PRCP: variants seen among roughly 807,000 people sequenced by gnomAD.
PRCP encodes the protein lysosomal Pro-X carboxypeptidase.
In PRCP, 46 loss-of-function variants were observed where a neutral mutation model predicts 54.2. That is an observed-to-expected ratio of 0.85 (90% confidence interval 0.67 to 1.09). The LOEUF is 1.09. Among genes scored for constraint, PRCP ranks in the 50% least tolerant of loss-of-function variants. The pLI is 0.00. For missense variants in PRCP, 613 were observed against 596.8 expected (o/e 1.03, Z -0.28); for synonymous variants, 240 against 212.2 (o/e 1.13, Z -1.14).
Position 82,824,643 on chromosome 11 carries a change from A to G in PRCP, c.*263T>C. 2.3e-6 allele frequency: 1 copy of G among 443,132 alleles called. No homozygotes were observed. The highest frequency in any genetic ancestry group is 4.1e-6 in the Non-Finnish European group (1 of 242,874). 27.5% of individuals were successfully genotyped at this position (443,132 alleles called of 1,614,324 possible). On this transcript the variant is annotated 3_prime_UTR_variant, in exon 9 of 9. Transcript: ENST00000313010. Reference sequence around the variant, plus strand: ...CTTATGAAAAGCAACCAGGAACTCTACTCCAGTTATGAGGGCCACTGATGG... The same window carrying G: ...CTTATGAAAAGCAACCAGGAACTCTGCTCCAGTTATGAGGGCCACTGATGG...
At chr11:82,856,401 G>A (rs1201219490) in intron 2 of PRCP, among the ~76,000 whole-genome samples, 1 of 152,172 alleles carries the variant, frequency 6.6e-6, no homozygotes, top group Non-Finnish European at 1.5e-5. Flanking sequence ...ATTATCCTAA[G>A]TGACCTAATA....
intron 1 of PRCP, among the ~76,000 whole-genome samples, chr11:82,887,281 G>C (rs10898052): frequency 0.28 from 43,244 of 151,940 alleles, 6,276 homozygotes; most frequent in Admixed American, 0.32. Context: ...TTAATTACTT[G>C]TGACTATCTT....
At chr11:82,857,038 A>AG (rs1442896929) in intron 2 of PRCP, among the ~76,000 whole-genome samples, 1 of 151,104 alleles carries the variant, frequency 6.6e-6, no homozygotes, top group East Asian at 1.9e-4. Context: ...CTGTCTCAAA[A>AG]AAAAAAAAAA....
At chr11:82,901,294 G>C (rs753274616), upstream of PRCP, among the ~76,000 whole-genome samples, 1 of 151,622 alleles carries the variant, frequency 6.6e-6, no homozygotes, top group Admixed American at 6.6e-5. Flanking sequence ...TTTCTTCTCC[G>C]GCACCCGAAA....
intron 1 of PRCP, among the ~76,000 whole-genome samples, chr11:82,875,514 G>A (rs751117354): frequency 3.9e-5 from 6 of 152,166 alleles, no homozygotes; most frequent in Non-Finnish European, 8.8e-5. Flanking sequence ...TAAACACATA[G>A]GTGACTATAA....
intron 1 of PRCP, among the ~76,000 whole-genome samples, chr11:82,885,433 A>G (rs1859841418): frequency 6.6e-6 from 1 of 152,220 alleles, no homozygotes; most frequent in South Asian, 2.1e-4. Flanking sequence ...AGATGGCAGA[A>G]TAATACAACT....
chr11:82,847,890 G>A (rs1369628922), intron 6 of PRCP, among the ~76,000 whole-genome samples: 2 of 152,136 alleles, frequency 1.3e-5, no homozygotes, highest in African/African-American at 4.8e-5. Context: ...GACCATGCCA[G>A]GCCTATTGAT....
intron 2 of PRCP, among the ~76,000 whole-genome samples, chr11:82,856,885 A>C (rs1859099220): frequency 6.6e-6 from 1 of 151,928 alleles, no homozygotes; most frequent in African/African-American, 2.4e-5. Flanking sequence ...AAATACAAAA[A>C]ATTAGCCGGG....
At chr11:82,881,386 G>A (rs779817591) in intron 1 of PRCP, among the ~76,000 whole-genome samples, 2 of 152,166 alleles carry the variant, frequency 1.3e-5, no homozygotes, top group African/African-American at 2.4e-5. Flanking sequence ...AGTTCAGGCA[G>A]CCTCACAAAG....
chr11:82,871,002 A>T (rs1859467722), intron 1 of PRCP, among the ~76,000 whole-genome samples: 1 of 152,150 alleles, frequency 6.6e-6, no homozygotes, highest in South Asian at 2.1e-4. Context: ...GGAGTAAATA[A>T]TCTTGCCAGA....
chr11:82,891,478 C>T (rs550291959), intron 1 of PRCP, among the ~76,000 whole-genome samples: 3 of 152,200 alleles, frequency 2.0e-5, no homozygotes, highest in Non-Finnish European at 2.9e-5. Flanking sequence ...TCTTCTACCC[C>T]TAAAGCTCCA....
chr11:82,899,294 C>T (rs1339184943), intron 1 of PRCP, among the ~76,000 whole-genome samples: 1 of 152,216 alleles, frequency 6.6e-6, no homozygotes, highest in Non-Finnish European at 1.5e-5. Flanking sequence ...TATCTGCTCT[C>T]ATTCAACCAT....
At chr11:82,898,428 G>T (rs150399602) in intron 1 of PRCP, among the ~76,000 whole-genome samples, 51 of 152,296 alleles carry the variant, frequency 3.3e-4, no homozygotes, top group African/African-American at 1.2e-3. Context: ...TCTGCTGATA[G>T]TTCTCTTTTT....
At chr11:82,856,223 T>C (rs2121163944) in intron 2 of PRCP, among the ~76,000 whole-genome samples, 1 of 152,264 alleles carries the variant, frequency 6.6e-6, no homozygotes, top group South Asian at 2.1e-4. Context: ...CACTTGTATG[T>C]TCATCTTAGC....
intron 1 of PRCP, among the ~76,000 whole-genome samples, chr11:82,896,627 C>T (rs563465503): frequency 2.0e-4 from 29 of 142,812 alleles, no homozygotes; most frequent in African/African-American, 6.5e-4. Flanking sequence ...TGCAGTGAGC[C>T]GAGATCTCAC....
At chr11:82,865,398 T>G (rs1340837136) in intron 1 of PRCP, among the ~76,000 whole-genome samples, 1 of 152,230 alleles carries the variant, frequency 6.6e-6, no homozygotes, top group African/African-American at 2.4e-5. Flanking sequence ...TTGCAGAATA[T>G]GTGGAATGTT....
chr11:82,846,815 T>C (rs555063853), intron 6 of PRCP, among the ~76,000 whole-genome samples: 11 of 152,170 alleles, frequency 7.2e-5, no homozygotes, highest in Non-Finnish European at 1.6e-4. Context: ...AAAATGAACA[T>C]TAAAGAGGTA....
chr11:82,850,516 A>G lies in PRCP; in HGVS notation c.412-11T>C. ...CAAGTGTCTGGAATCCTAAAGAAAT[A>G]TAACAAAGAACACGGGTATAAATGT... On this transcript the variant is annotated splice_polypyrimidine_tract_variant and intron_variant, in intron 3 of 8. Transcript: ENST00000313010. 1 of 1,550,280 alleles carries G rather than the reference A, an allele frequency of 6.5e-7. No individual in the cohort carries two copies. The highest frequency in any genetic ancestry group is 8.8e-7 in the Non-Finnish European group (1 of 1,142,114).
intron 1 of PRCP, among the ~76,000 whole-genome samples, chr11:82,864,779 C>G (rs747454221): frequency 6.6e-6 from 1 of 152,082 alleles, no homozygotes; most frequent in Non-Finnish European, 1.5e-5. Context: ...TGCTTCCCCA[C>G]TTTACCATGT....
Sources: gnomAD v4.1 joint callset for allele counts (sites outside exome capture counted in the v4.1 genomes callset) on GRCh38, gnomAD v4.1.1 for gene constraint, MANE v1.5 for transcripts, NCBI Gene and HGNC (gene_info 2026-07-23, HGNC 2026-07-21) for gene names.